The following TINAG variants were observed in gnomAD, a reference collection of about 807,000 sequenced individuals.
TINAG encodes the protein tubulointerstitial nephritis antigen.
TINAG carries 83 observed loss-of-function variants against 72.7 expected under a neutral mutation model. The observed-to-expected ratio is 1.14, with a 90% CI of 0.96 to 1.37. The LOEUF (loss-of-function observed/expected upper bound fraction) is 1.37, where lower values mean the gene tolerates loss of function less well. Ranked by LOEUF, TINAG falls within the 40% of genes most tolerant of loss-of-function variation. The probability of loss-of-function intolerance (pLI) is 0.00; values close to 1 mark genes in which losing one functional copy is unlikely to be tolerated. For synonymous variants in TINAG, 234 were observed against 189.9 expected (o/e 1.23, Z -1.91); for missense variants, 685 against 576.6 (o/e 1.19, Z -1.93).
chr6:54,342,361 C>CTT (rs70983413), intron 4 of TINAG, among the ~76,000 whole-genome samples: 10 of 140,574 alleles, frequency 7.1e-5, no homozygotes, highest in African/African-American at 1.6e-4. Flanking sequence ...TTCCTGAAGT[C>CTT]TTTTTTTTTT....
intron 4 of TINAG, among the ~76,000 whole-genome samples, chr6:54,331,890 T>C (rs566636057): frequency 2.0e-5 from 3 of 152,288 alleles, no homozygotes; most frequent in African/African-American, 7.2e-5. Context: ...TACCTCAGAA[T>C]ACAACCTACA....
In TINAG at chr6:54,351,345, C is replaced by T. The variant is rs778007063; in HGVS notation, c.1081-7C>T. 8 of 1,607,688 alleles carry T rather than the reference C, an allele frequency of 5.0e-6. No individual in the cohort carries two copies. Among genetic ancestry groups the T allele is most frequent in the South Asian group, 2.2e-5 (2 of 90,884 alleles). On this transcript the variant is annotated splice_polypyrimidine_tract_variant and splice_region_variant and intron_variant, in intron 7 of 10. Transcript: ENST00000259782. ...ATGATATTGCTTATTCATATTTTTC[C>T]ATCCAGGAAACTGAGATAATGAAAG...
intron 4 of TINAG, chr6:54,327,157 T>C: frequency 7.1e-6 from 11 of 1,547,674 alleles, no homozygotes; most frequent in Non-Finnish European, 9.6e-6. Flanking sequence ...TTGAATGGGC[T>C]GGCAAGATGG....
intron 9 of TINAG, among the ~76,000 whole-genome samples, chr6:54,360,841 GTTTTTT>G (rs70983415): frequency 6.5e-4 from 17 of 26,246 alleles, no homozygotes; most frequent in Non-Finnish European, 7.6e-4. Context: ...CAGATACTGT[GTTTTTT>G]TTTTTTTTTT....
At chr6:54,312,405 C>G (rs1784279175) in intron 1 of TINAG, among the ~76,000 whole-genome samples, 1 of 152,030 alleles carries the variant, frequency 6.6e-6, no homozygotes, top group Non-Finnish European at 1.5e-5. Flanking sequence ...TTTCTCAATT[C>G]TGTTATTAGA....
chr6:54,340,730 G>GT (rs1784977257), intron 4 of TINAG, among the ~76,000 whole-genome samples: 3 of 152,134 alleles, frequency 2.0e-5, no homozygotes, highest in African/African-American at 7.2e-5. Context: ...TGGCTTAGTG[G>GT]ATTGGTAAAT....
chr6:54,321,335 T>C lies in TINAG; in HGVS notation c.458T>C (p.Val153Ala). 1 of 1,613,892 alleles carries C rather than the reference T, an allele frequency of 6.2e-7. No homozygotes were observed. The highest frequency in any genetic ancestry group is 1.1e-5 in the South Asian group (1 of 91,084). Residue 153 changes from valine to alanine, a missense_variant, in exon 3 of 11, where the codon GTA (valine) becomes GCA (alanine). Coordinates refer to ENST00000259782, the MANE Select transcript of TINAG (RefSeq NM_014464.4). Reference protein sequence around the residue: ...SGQQWKCSQHVCLVRSELIEQ... With the variant: ...SGQQWKCSQHACLVRSELIEQ... ...CAGCAATGGAAATGTTCCCAGCATGTATGCCTTGTTCGTTCAGAATTAATT... is the reference window on the plus strand; with the variant it reads ...CAGCAATGGAAATGTTCCCAGCATGCATGCCTTGTTCGTTCAGAATTAATT...
intron 9 of TINAG, among the ~76,000 whole-genome samples, chr6:54,361,718 C>A (rs1458599188): frequency 6.6e-6 from 1 of 151,496 alleles, no homozygotes; most frequent in Non-Finnish European, 1.5e-5. Flanking sequence ...TGGAGATTGG[C>A]CAAAAGTTAA....
intron 9 of TINAG, among the ~76,000 whole-genome samples, chr6:54,361,002 A>G (rs1763218774): frequency 6.6e-6 from 1 of 150,772 alleles, no homozygotes; most frequent in South Asian, 2.1e-4. Context: ...CTTTTCCATT[A>G]TTATATGTGT....
chr6:54,370,734 C>T (rs1396289818), intron 9 of TINAG, among the ~76,000 whole-genome samples: 1 of 151,982 alleles, frequency 6.6e-6, no homozygotes, highest in African/African-American at 2.4e-5. Flanking sequence ...AGTAGAGGTG[C>T]AGAGGGCCCT....
chr6:54,310,271 T>C (rs1163264992), intron 1 of TINAG, among the ~76,000 whole-genome samples: 1 of 151,918 alleles, frequency 6.6e-6, no homozygotes, highest in Non-Finnish European at 1.5e-5. Flanking sequence ...TTTTTGTAAA[T>C]GTGGGGTCTT....
chr6:54,371,738 C>T (rs1035311950), intron 9 of TINAG, among the ~76,000 whole-genome samples: 10 of 151,964 alleles, frequency 6.6e-5, no homozygotes, highest in Admixed American at 4.6e-4. Flanking sequence ...AAGAAAGACA[C>T]ATAAGTGGTA....
At chr6:54,363,615 G>A (rs9395944) in intron 9 of TINAG, among the ~76,000 whole-genome samples, 97,731 of 144,180 alleles carry the variant, frequency 0.68, 33,367 homozygotes, top group Non-Finnish European at 0.75. Context: ...GTGCCAACGG[G>A]TATCAAAAAA....
intron 3 of TINAG, among the ~76,000 whole-genome samples, chr6:54,324,464 A>G (rs1415575708): frequency 6.6e-6 from 1 of 152,202 alleles, no homozygotes; most frequent in African/African-American, 2.4e-5. Context: ...TGAAAGTTTC[A>G]TGATATCAAT....
chr6:54,386,064 G>C (rs1276396445), intron 10 of TINAG, among the ~76,000 whole-genome samples: 3 of 151,558 alleles, frequency 2.0e-5, no homozygotes, highest in Admixed American at 1.3e-4. Context: ...GCTAATATTC[G>C]TATTTTTGGT....
chr6:54,314,777 T>C (rs1263642119), intron 1 of TINAG, among the ~76,000 whole-genome samples: 1 of 152,150 alleles, frequency 6.6e-6, no homozygotes, highest in East Asian at 1.9e-4. Context: ...ACAAAAAAAG[T>C]AGTTGCTACT....
chr6:54,310,076 C>CGTGTGGGTGT (rs1784204315), intron 1 of TINAG, among the ~76,000 whole-genome samples: 1 of 127,650 alleles, frequency 7.8e-6, no homozygotes, highest in East Asian at 2.3e-4. Context: ...CTTTTTTTTC[C>CGTGTGGGTGT]GTGTGTGTGT....
chr6:54,335,776 A>G (rs1784851351), intron 4 of TINAG, among the ~76,000 whole-genome samples: 1 of 151,984 alleles, frequency 6.6e-6, no homozygotes, highest in Admixed American at 6.6e-5. Context: ...TTAGTGGTGC[A>G]CTCCCCTCAC....
At chr6:54,326,297 A>C (rs898106472) in intron 3 of TINAG, among the ~76,000 whole-genome samples, 1 of 151,660 alleles carries the variant, frequency 6.6e-6, no homozygotes, top group African/African-American at 2.4e-5. Context: ...TCAATATCTG[A>C]TTAATTAGAT....
Sources: gnomAD v4.1 joint callset for allele counts (sites outside exome capture counted in the v4.1 genomes callset) on GRCh38, gnomAD v4.1.1 for gene constraint, MANE v1.5 for transcripts, NCBI Gene and HGNC (gene_info 2026-07-23, HGNC 2026-07-21) for gene names.